PGBD5: variants seen among roughly 807,000 people sequenced by gnomAD.
PGBD5 encodes the protein piggyBac transposable element-derived protein 5.
A neutral mutation model predicts 47.9 loss-of-function variants in PGBD5; 14 were observed. The observed-to-expected ratio is 0.29, with a 90% CI of 0.19 to 0.46. The LOEUF (loss-of-function observed/expected upper bound fraction) is 0.46, where lower values mean the gene tolerates loss of function less well. Ranked by LOEUF, PGBD5 falls within the 20% of genes least tolerant of loss-of-function variation. The probability of loss-of-function intolerance (pLI) is 1.00; values close to 1 mark genes in which losing one functional copy is unlikely to be tolerated. For missense variants in PGBD5, 635 were observed against 716.0 expected (o/e 0.89, Z 1.29); for synonymous variants, 316 against 306.3 (o/e 1.03, Z -0.33).
chr1:230,333,845 G>T (rs1056816137), intron 4 of PGBD5, among the ~76,000 whole-genome samples: 7 of 152,134 alleles, frequency 4.6e-5, no homozygotes, highest in Admixed American at 3.3e-4. Context: ...AACACCCACC[G>T]CGGACTTGCT....
chr1:230,315,836 A>G lies in PGBD5; in HGVS notation c.*7589T>C. 7.4e-6 allele frequency: 1 copy of G among 134,870 alleles called. No homozygotes were observed. Among genetic ancestry groups the G allele is most frequent in the African/African-American group, 2.6e-5 (1 of 38,758 alleles). 8.4% of individuals were successfully genotyped at this position (134,870 alleles called of 1,614,324 possible). A position where few individuals can be genotyped will look rare whatever the true frequency, so the allele number is the denominator to read the frequency against. On this transcript the variant is annotated 3_prime_UTR_variant, in exon 7 of 7. Transcript: ENST00000391860. ...TGTGCATACATATAGAGGTATACATATAGATGCATATCTGTATACATGTGT... is the reference window on the plus strand; with the variant it reads ...TGTGCATACATATAGAGGTATACATGTAGATGCATATCTGTATACATGTGT...
rs1044721693 is a variant in PGBD5 at position 230,344,057 on chromosome 1, G to A, written c.895-6769C>T. 4.6e-5 allele frequency among the ~76,000 whole-genome samples: 7 copies of A among 152,246 alleles called. No homozygotes were observed. In the East Asian group the frequency reaches 5.8e-4, roughly 13 times the overall value. ...TCCCAGCACTTTGAGAGGCCGAGGC[G>A]GGCAGACCACGAGGTCAGGAGATGC... On this transcript the variant is annotated intron_variant, in intron 3 of 6. Transcript: ENST00000391860.
rs139067551 is a variant in PGBD5, at chr1:230,387,163, T to C, written c.332-29842A>G. Among the ~76,000 whole-genome samples, 280 of 152,270 alleles carry C rather than the reference T, an allele frequency of 1.8e-3. 2 individuals carry two copies. The highest frequency in any genetic ancestry group is 6.4e-3 in the African/African-American group (267 of 41,564). On this transcript the variant is annotated intron_variant, in intron 1 of 6. Transcript: ENST00000391860. ...CAGATAGGAAATGGTATGTGGAGTGTCACTTACATAAAATTTTAACTTTCT... is the reference window on the plus strand; with the variant it reads ...CAGATAGGAAATGGTATGTGGAGTGCCACTTACATAAAATTTTAACTTTCT...
At chr1:230,362,437 G>T in intron 1 of PGBD5, 1 of 1,282,276 alleles carries the variant, frequency 7.8e-7, no homozygotes, top group Non-Finnish European at 1.0e-6. Context: ...CTGGACCGTG[G>T]CAAGCTCTTT....
intron 1 of PGBD5, among the ~76,000 whole-genome samples, chr1:230,407,943 T>C (rs1242531477): frequency 2.0e-5 from 3 of 152,180 alleles, no homozygotes; most frequent in Non-Finnish European, 2.9e-5. Flanking sequence ...ATCCTGTGGA[T>C]TGGTCAAATC....
intron 1 of PGBD5, among the ~76,000 whole-genome samples, chr1:230,413,443 T>C (rs1384469332): frequency 6.6e-6 from 1 of 152,034 alleles, no homozygotes; most frequent in East Asian, 1.9e-4. Flanking sequence ...GGGGCTGCAG[T>C]GAGCCGTGAT....
Position 230,325,393 on chromosome 1 carries a change from A to G in PGBD5, c.1296T>C (p.Ser432=). The part of the protein sequence containing the change: ...VQQGVIIKRK[S]GEIPCPLAVE... ...CGGCCAAGGGGCATGGGATCTCCCC[A>G]CTCTTCCTTTTGATGATGACTCCTG... Residue 432 remains serine (S), a synonymous_variant, in exon 6 of 7, where the codon AGT becomes AGC. Coordinates refer to ENST00000391860, the MANE Select transcript of PGBD5 (RefSeq NM_001258311.2). 2 of 1,613,370 alleles carry G rather than the reference A, an allele frequency of 1.2e-6. No homozygotes were observed. Among genetic ancestry groups the G allele is most frequent in the Non-Finnish European group, 1.7e-6 (2 of 1,179,696 alleles).
At position 230,419,070 on chromosome 1, in the gene PGBD5, G is replaced by A. The variant is rs1421430607; in HGVS notation, c.331+6528C>T. Among the ~76,000 whole-genome samples, 4 of 152,154 alleles carry A rather than the reference G, an allele frequency of 2.6e-5. No homozygotes were observed. The East Asian group carries it at 7.7e-4, about 29-fold the overall frequency. ...TCCCATTACTGGGTATATACCCAAAGGAAAACAAATTGTTCTACCAAAAAG... is the reference window on the plus strand; with the variant it reads ...TCCCATTACTGGGTATATACCCAAAAGAAAACAAATTGTTCTACCAAAAAG... On this transcript the variant is annotated intron_variant, in intron 1 of 6. Transcript: ENST00000391860.
At chr1:230,393,730 CAGG>C (rs1000614910) in intron 1 of PGBD5, among the ~76,000 whole-genome samples, 1 of 149,712 alleles carries the variant, frequency 6.7e-6, no homozygotes, top group African/African-American at 2.5e-5. Context: ...GAGGCTGAGG[CAGG>C]AGAATGGCGT....
Position 230,421,306 on chromosome 1 carries a change from C to T in PGBD5, c.331+4292G>A, listed in dbSNP as rs149332718. ...GAGTTAAAACTCACAGAACTGTATCCGCTTCCCCCCAAAACTAAAAGCAAT... is the reference window on the plus strand; with the variant it reads ...GAGTTAAAACTCACAGAACTGTATCTGCTTCCCCCCAAAACTAAAAGCAAT... On this transcript the variant is annotated intron_variant, in intron 1 of 6. Transcript: ENST00000391860. Among the ~76,000 whole-genome samples the T allele has an allele frequency of 4.5e-3, 692 of 152,148 alleles. 7 individuals carry two copies. The highest frequency in any genetic ancestry group is 0.015 in the African/African-American group (643 of 41,518).
intron 1 of PGBD5, among the ~76,000 whole-genome samples, chr1:230,424,104 G>A (rs1228943264): frequency 6.6e-6 from 1 of 152,186 alleles, no homozygotes; most frequent in African/African-American, 2.4e-5. Context: ...TTGCTGTGCA[G>A]TCCCAGGTGG....
Position 230,315,892 on chromosome 1 carries a change from T to TTATGTGTACATATATATGTATGTGTA in PGBD5, c.*7532_*7533insTACACATACATATATATGTACACATA, listed in dbSNP as rs1666930139. The TTATGTGTACATATATATGTATGTGTA allele has an allele frequency of 4.1e-5, 6 of 147,864 alleles. 1 individual carries two copies. Among genetic ancestry groups the TTATGTGTACATATATATGTATGTGTA allele is most frequent in the African/African-American group, 1.5e-4 (6 of 40,218 alleles). 9.2% of individuals were successfully genotyped at this position (147,864 alleles called of 1,614,324 possible). On this transcript the variant is annotated 3_prime_UTR_variant, in exon 7 of 7. Coordinates refer to ENST00000391860, the MANE Select transcript of PGBD5 (RefSeq NM_001258311.2). ...TATACATATATGGATACATACATAT[T>TTATGTGTACATATATATGTATGTGTA]TATGTGTACACATATATGTATATGT... is the stretch of plus-strand genomic sequence containing the variant.
At chr1:230,391,991 G>A (rs1002709778) in intron 1 of PGBD5, among the ~76,000 whole-genome samples, 3 of 152,178 alleles carry the variant, frequency 2.0e-5, no homozygotes, top group Admixed American at 6.5e-5. Context: ...TTAATGATGC[G>A]GTTAGAAAGG....
intron 5 of PGBD5, among the ~76,000 whole-genome samples, chr1:230,330,650 C>G (rs1029531977): frequency 2.6e-5 from 4 of 152,184 alleles, no homozygotes; most frequent in Non-Finnish European, 5.9e-5. Flanking sequence ...CAGGTCTGTG[C>G]CCACCTGAAG....
intron 1 of PGBD5, among the ~76,000 whole-genome samples, chr1:230,394,529 T>C (rs1656875367): frequency 8.0e-6 from 1 of 124,502 alleles, no homozygotes; most frequent in East Asian, 2.4e-4. Flanking sequence ...TTTCACTCCC[T>C]GCCCTCCTCT....
chr1:230,332,779 T>C, intron 5 of PGBD5, 65 bp downstream of exon 5: 2 of 1,582,902 alleles, frequency 1.3e-6, no homozygotes, highest in Non-Finnish European at 8.6e-7. Context: ...ACCGCAGCGG[T>C]GGGCTCGGCC....
rs368984407 is a variant in PGBD5 at position 230,377,527 on chromosome 1, C to T, written c.332-20206G>A. 38 of 1,612,514 alleles carry T rather than the reference C, an allele frequency of 2.4e-5. 1 individual carries two copies. In the African/African-American group the frequency reaches 2.4e-4, roughly 10 times the overall value. On this transcript the variant is annotated intron_variant, in intron 1 of 6. Coordinates refer to ENST00000391860, the MANE Select transcript of PGBD5 (RefSeq NM_001258311.2). ...GAATGAATCGCTTGGCTGCAGATCC[C>T]GGCCGGGCACTATGCTGAGCAACTG...
Position 230,318,927 on chromosome 1 carries a change from A to G in PGBD5, c.*4498T>C, listed in dbSNP as rs1422071509. ...TCCAAAACACCCATCTCCATCTAGG[A>G]CAAGAAAAGGACCCAGGGGGAGGGT... is the stretch of plus-strand genomic sequence containing the variant. On this transcript the variant is annotated 3_prime_UTR_variant, in exon 7 of 7. Coordinates refer to ENST00000391860, the MANE Select transcript of PGBD5 (RefSeq NM_001258311.2). The G allele has an allele frequency of 6.6e-6, 1 of 152,308 alleles. No individual in the cohort carries two copies. Among genetic ancestry groups the G allele is most frequent in the Non-Finnish European group, 1.5e-5 (1 of 68,140 alleles). The allele number at this position is 152,308 out of a possible 1,614,324, so 9.4% of individuals were successfully genotyped here.
intron 1 of PGBD5, among the ~76,000 whole-genome samples, chr1:230,422,101 TAC>T (rs1657660859): frequency 6.6e-6 from 1 of 151,678 alleles, no homozygotes; most frequent in African/African-American, 2.4e-5. Flanking sequence ...AACACACACA[TAC>T]ACACACACAA....
Sources: allele counts gnomAD v4.1 joint callset (sites outside exome capture counted in the v4.1 genomes callset), GRCh38; gene constraint gnomAD v4.1.1; transcripts MANE v1.5; gene names NCBI Gene and HGNC (gene_info 2026-07-23, HGNC 2026-07-21).